The following PTGFRN variants were observed in gnomAD, a reference collection of about 807,000 sequenced individuals.
The protein encoded by PTGFRN is prostaglandin F2 receptor inhibitor, also known as prostaglandin F2 receptor negative regulator.
A neutral mutation model predicts 83.2 loss-of-function variants in PTGFRN; 35 were observed. That is an observed-to-expected ratio of 0.42 (90% confidence interval 0.32 to 0.56). The LOEUF is 0.56. Ranked by LOEUF, PTGFRN falls within the 20% of genes least tolerant of loss-of-function variation. The pLI is 0.11. For synonymous variants in PTGFRN, 519 were observed against 498.6 expected (o/e 1.04, Z -0.55); for missense variants, 1,051 against 1,179.5 (o/e 0.89, Z 1.60).
At chr1:116,917,524 A>T (rs1313651151) in intron 1 of PTGFRN, among the ~76,000 whole-genome samples, 1 of 152,144 alleles carries the variant, frequency 6.6e-6, no homozygotes, top group Non-Finnish European at 1.5e-5. Flanking sequence ...GAGCAGTTTG[A>T]TATGGCATGC....
chr1:116,918,604 C>T lies in PTGFRN; in HGVS notation c.49+8352C>T, dbSNP rs1649465556. On this transcript the variant is annotated intron_variant, in intron 1 of 8. Coordinates refer to ENST00000393203, the MANE Select transcript of PTGFRN (RefSeq NM_020440.4). This position sits in a 1 kb window ranked among gnomAD's most constrained non-coding sequence, Gnocchi z 4.1. ...CATACAAATTACTTGGTAGTCTGGG[C>T]TTTCTCAGTGGGACTGAGGCAAAGC... Among the ~76,000 whole-genome samples, 1 of 152,162 alleles carries T rather than the reference C, an allele frequency of 6.6e-6. No homozygotes were observed. The highest frequency in any genetic ancestry group is 2.1e-4 in the South Asian group (1 of 4,828).
chr1:116,956,391 C>G (rs984515871), intron 4 of PTGFRN, among the ~76,000 whole-genome samples: 3 of 152,224 alleles, frequency 2.0e-5, no homozygotes, highest in Admixed American at 6.5e-5. Context: ...GCTAGATGCA[C>G]ACATTGTGCA....
intron 6 of PTGFRN, 129 bp from the exon 7 acceptor site, chr1:116,974,087 C>T (rs1651074730): frequency 1.5e-6 from 1 of 660,284 alleles, no homozygotes; most frequent in South Asian, 2.0e-5. Flanking sequence ...CTTGGAACAC[C>T]TATTTTGTGA....
chr1:116,956,171 A>G (rs1480110315), intron 4 of PTGFRN, among the ~76,000 whole-genome samples: 2 of 152,212 alleles, frequency 1.3e-5, no homozygotes, highest in African/African-American at 4.8e-5. Flanking sequence ...GTGTAAGTCT[A>G]AAGTTGAGCT....
chr1:116,957,313 AG>A (rs1650529715), intron 4 of PTGFRN, among the ~76,000 whole-genome samples: 1 of 151,882 alleles, frequency 6.6e-6, no homozygotes, highest in African/African-American at 2.4e-5. Context: ...CTGGAGGCTA[AG>A]GAAGAGCTGG....
chr1:116,984,869 A>G lies in PTGFRN; in HGVS notation c.2357A>G (p.Gln786Arg), dbSNP rs747918909. ...FLLQVHGSED[Q>R]DFGNYYCSVT... ...CTGCAAGTGCATGGCTCCGAGGACC[A>G]GGACTTTGGCAACTACTACTGTTCC... Residue 786 changes from glutamine to arginine, a missense_variant, in exon 8 of 9, where the codon CAG (glutamine) becomes CGG (arginine). Transcript: ENST00000393203. 3 of 1,614,084 alleles carry G rather than the reference A, an allele frequency of 1.9e-6. No individual in the cohort carries two copies. Among genetic ancestry groups the G allele is most frequent in the African/African-American group, 2.7e-5 (2 of 74,928 alleles).
Position 116,944,742 on chromosome 1 carries a change from AG to A in PTGFRN, c.487del (p.Glu163SerfsTer37). ...ARPPPSLSLR[E>X]GEPFELRCTA... ...CCCCCGCCGAGCCTGAGCCTGCGGG[AG>A]GGGGAGCCCTTCGAGCTGCGCTGCA... is the stretch of plus-strand genomic sequence containing the variant. On this transcript the variant is annotated frameshift_variant, in exon 3 of 9. Transcript: ENST00000393203. LOFTEE classifies it high-confidence loss of function. The A allele has an allele frequency of 2.0e-6, 3 of 1,483,868 alleles. No individual in the cohort carries two copies. The highest frequency in any genetic ancestry group is 1.4e-5 in the South Asian group (1 of 73,062). The allele number at this position is 1,483,868 out of a possible 1,614,324, so 91.9% of individuals were successfully genotyped here.
rs372565948 is a variant in PTGFRN at position 116,941,981 on chromosome 1, A to G, written c.316A>G (p.Ile106Val). 49 of 1,614,126 alleles carry G rather than the reference A, an allele frequency of 3.0e-5. No individual in the cohort carries two copies. The highest frequency in any genetic ancestry group is 3.9e-5 in the Non-Finnish European group (46 of 1,180,064). Residue 106 changes from isoleucine to valine, a missense_variant, in exon 2 of 9, where the codon ATA (isoleucine) becomes GTA (valine). Around this residue, in one of 3 missense-constraint regions of PTGFRN, gnomAD observed 127 missense variants for 168.4 expected, o/e 0.75. Transcript: ENST00000393203. This position sits in a 1 kb window ranked among gnomAD's most constrained non-coding sequence, Gnocchi z 5.0. ...TGCCAACGACGCCGTGGAGCTCCAC[A>G]TAAAGAACGTCCAGCCTTCAGACCA... Reference protein sequence around the residue: ...RTANDAVELHIKNVQPSDQGH... With the variant: ...RTANDAVELHVKNVQPSDQGH...
At chr1:116,960,991 C>T (rs1239119675) in intron 4 of PTGFRN, among the ~76,000 whole-genome samples, 5 of 152,028 alleles carry the variant, frequency 3.3e-5, no homozygotes, top group Non-Finnish European at 7.4e-5. Flanking sequence ...AGATTCTGGC[C>T]GAGGACATTG....
intron 1 of PTGFRN, among the ~76,000 whole-genome samples, chr1:116,916,765 G>A (rs950251243): frequency 9.2e-5 from 14 of 152,134 alleles, no homozygotes; most frequent in African/African-American, 3.1e-4. Context: ...TCAGTAACAC[G>A]GCTAGCAGCT....
At chr1:116,948,707 G>A (rs2101067802) in intron 3 of PTGFRN, among the ~76,000 whole-genome samples, 1 of 152,332 alleles carries the variant, frequency 6.6e-6, no homozygotes, top group South Asian at 2.1e-4. Context: ...TGCACATGGA[G>A]AATGTATAAT....
At chr1:116,953,774 C>G (rs1275899176) in intron 4 of PTGFRN, among the ~76,000 whole-genome samples, 1 of 151,808 alleles carries the variant, frequency 6.6e-6, no homozygotes. Flanking sequence ...CTTTTCATCC[C>G]TCTCAAAGCT....
intron 4 of PTGFRN, among the ~76,000 whole-genome samples, chr1:116,953,005 T>C (rs1446669222): frequency 6.6e-6 from 1 of 152,246 alleles, no homozygotes; most frequent in Non-Finnish European, 1.5e-5. Context: ...AGCCATCTCC[T>C]TCTGCTATCA....
intron 8 of PTGFRN, 106 bp downstream of exon 8, chr1:116,985,091 C>A: frequency 8.4e-7 from 1 of 1,188,922 alleles, no homozygotes; most frequent in Non-Finnish European, 1.2e-6. Flanking sequence ...TGTGCCATAG[C>A]ACGTCCTGCT....
chr1:116,978,714 G>A (rs1049652880), intron 7 of PTGFRN, among the ~76,000 whole-genome samples: 5 of 152,156 alleles, frequency 3.3e-5, no homozygotes, highest in African/African-American at 1.2e-4. Context: ...GTATTGATGG[G>A]ACGTATCTCA....
Position 116,987,102 on chromosome 1 carries a change from C to G in PTGFRN, c.*135C>G. On this transcript the variant is annotated 3_prime_UTR_variant, in exon 9 of 9. Coordinates refer to ENST00000393203, the MANE Select transcript of PTGFRN (RefSeq NM_020440.4). ...AATCTCAGGTGGGACTTGGCGCTCT[C>G]TCTTTTCTGCATGTCAAGTTCTGAG... 1 of 1,005,122 alleles carries G rather than the reference C, an allele frequency of 9.9e-7. No homozygotes were observed. The highest frequency in any genetic ancestry group is 1.4e-6 in the Non-Finnish European group (1 of 692,760). The allele number at this position is 1,005,122 out of a possible 1,614,324, so 62.3% of individuals were successfully genotyped here.
chr1:116,954,221 G>A (rs1650425756), intron 4 of PTGFRN, among the ~76,000 whole-genome samples: 1 of 152,026 alleles, frequency 6.6e-6, no homozygotes, highest in African/African-American at 2.4e-5. Flanking sequence ...TATTTTTATT[G>A]CTCTGAAATG....
chr1:116,987,691 A>G lies in PTGFRN; in HGVS notation c.*724A>G, dbSNP rs925087843. The stretch of plus-strand genomic sequence containing the variant: ...AATTTGGCTCTCCACTGAGCACCTT[A>G]TCTTGCCACCTTAGCCTTAAGAATG... On this transcript the variant is annotated 3_prime_UTR_variant, in exon 9 of 9. Coordinates refer to ENST00000393203, the MANE Select transcript of PTGFRN (RefSeq NM_020440.4). The G allele has an allele frequency of 4.6e-5, 7 of 150,674 alleles. No homozygotes were observed. The highest frequency in any genetic ancestry group is 1.7e-4 in the African/African-American group (7 of 40,522). 9.3% of individuals were successfully genotyped at this position (150,674 alleles called of 1,614,324 possible). A position where few individuals can be genotyped will look rare whatever the true frequency, so the allele number is the denominator to read the frequency against.
At chr1:116,971,337 A>T (rs760039845) in intron 6 of PTGFRN, among the ~76,000 whole-genome samples, 4 of 151,994 alleles carry the variant, frequency 2.6e-5, no homozygotes, top group Non-Finnish European at 5.9e-5. Context: ...TGCTTTCATT[A>T]AAAAAACTGC....
Sources: gnomAD v4.1 joint callset for allele counts (sites outside exome capture counted in the v4.1 genomes callset) on GRCh38, gnomAD v4.1.1 for gene constraint, gnomAD v4.1.1 regional missense constraint, Gnocchi (gnomAD v3.1) non-coding constraint, MANE v1.5 for transcripts, NCBI Gene and HGNC (gene_info 2026-07-23, HGNC 2026-07-21) for gene names.